PAK5: variants seen among roughly 807,000 people sequenced by gnomAD.
PAK5 encodes p21 (RAC1) activated kinase 5, also known as serine/threonine-protein kinase PAK 5.
In PAK5, 16 loss-of-function variants were observed where a neutral mutation model predicts 65.9. That is an observed-to-expected ratio of 0.24 (90% confidence interval 0.16 to 0.37). The LOEUF (loss-of-function observed/expected upper bound fraction) is 0.37, where lower values mean the gene tolerates loss of function less well. Among genes scored for constraint, PAK5 ranks in the 10% least tolerant of loss-of-function variants. The pLI is 1.00. For missense variants in PAK5, 785 were observed against 903.9 expected, an observed-to-expected ratio of 0.87 and a Z score of 1.69; for synonymous variants, 371 against 354.9, an observed-to-expected ratio of 1.05 and a Z score of -0.51.
At chr20:9,824,511 T>C (rs570812897) in intron 1 of PAK5, among the ~76,000 whole-genome samples, 1 of 152,200 alleles carries the variant, frequency 6.6e-6, no homozygotes, top group Non-Finnish European at 1.5e-5. Context: ...AAAATTCTAC[T>C]TCCAAATGAA....
At chr20:9,621,444 G>A (rs1600156464) in intron 3 of PAK5, among the ~76,000 whole-genome samples, 1 of 139,270 alleles carries the variant, frequency 7.2e-6, no homozygotes, top group African/African-American at 2.6e-5. Context: ...GGCATATCCT[G>A]AAAAATTTTT....
At chr20:9,794,747 T>G (rs2049087017) in intron 1 of PAK5, among the ~76,000 whole-genome samples, 1 of 152,100 alleles carries the variant, frequency 6.6e-6, no homozygotes, top group African/African-American at 2.4e-5. Flanking sequence ...TAAAGATATT[T>G]GCAGAAAGTC....
At chr20:9,652,658 T>G (rs2047216920) in intron 2 of PAK5, among the ~76,000 whole-genome samples, 1 of 152,194 alleles carries the variant, frequency 6.6e-6, no homozygotes, top group Admixed American at 6.5e-5. Context: ...ATTATCCAGT[T>G]GCTTTGTGAC....
chr20:9,570,999 ATCT>A (rs1431134857), intron 4 of PAK5, among the ~76,000 whole-genome samples: 2 of 152,212 alleles, frequency 1.3e-5, no homozygotes, highest in East Asian at 1.9e-4. Flanking sequence ...AAAGCTAACC[ATCT>A]TCAAAATAGG....
intron 1 of PAK5, among the ~76,000 whole-genome samples, chr20:9,752,607 A>G (rs944665300): frequency 4.6e-5 from 7 of 152,192 alleles, no homozygotes; most frequent in African/African-American, 1.7e-4. Context: ...GCATCAAAAT[A>G]TCACACATAG....
intron 1 of PAK5, among the ~76,000 whole-genome samples, chr20:9,830,940 G>A (rs1028432029): frequency 2.0e-5 from 3 of 152,130 alleles, no homozygotes; most frequent in African/African-American, 7.2e-5. Flanking sequence ...TTTTGGTTTG[G>A]TTTGGTTTGG....
intron 1 of PAK5, among the ~76,000 whole-genome samples, chr20:9,757,065 T>C (rs921724989): frequency 6.6e-6 from 1 of 152,094 alleles, no homozygotes; most frequent in African/African-American, 2.4e-5. Flanking sequence ...TTGTCCATAA[T>C]GGCAACTCAT....
chr20:9,833,245 C>T (rs574368874), intron 1 of PAK5, among the ~76,000 whole-genome samples: 22 of 152,298 alleles, frequency 1.4e-4, no homozygotes, highest in South Asian at 1.0e-3. Flanking sequence ...ATGCCTTCTT[C>T]GTCATATTTC....
At chr20:9,594,553 G>T (rs951292053) in intron 3 of PAK5, among the ~76,000 whole-genome samples, 1 of 152,196 alleles carries the variant, frequency 6.6e-6, no homozygotes, top group Non-Finnish European at 1.5e-5. Flanking sequence ...ATCTGAATCA[G>T]GAAATTTCAC....
intron 7 of PAK5, among the ~76,000 whole-genome samples, chr20:9,557,206 C>T (rs1218637886): frequency 1.3e-5 from 2 of 152,208 alleles, no homozygotes; most frequent in African/African-American, 4.8e-5. Flanking sequence ...TCAAATTACC[C>T]AAGTGGAGTT....
At chr20:9,804,481 A>G (rs2049207858) in intron 1 of PAK5, among the ~76,000 whole-genome samples, 1 of 152,228 alleles carries the variant, frequency 6.6e-6, no homozygotes. Context: ...CATATTTTCA[A>G]CAAATGGTGC....
At chr20:9,837,136 C>T (rs576028223) in intron 1 of PAK5, among the ~76,000 whole-genome samples, 1 of 152,330 alleles carries the variant, frequency 6.6e-6, no homozygotes, top group South Asian at 2.1e-4. Context: ...TACCCACTCA[C>T]AGAAGAACAC....
chr20:9,754,860 T>C (rs2048615904), intron 1 of PAK5, among the ~76,000 whole-genome samples: 1 of 152,188 alleles, frequency 6.6e-6, no homozygotes, highest in Admixed American at 6.5e-5. Flanking sequence ...CTCCCTGTTA[T>C]AATTTTTGCA....
intron 3 of PAK5, among the ~76,000 whole-genome samples, chr20:9,589,509 T>C (rs191187502): frequency 5.1e-4 from 78 of 152,332 alleles, no homozygotes; most frequent in Non-Finnish European, 9.8e-4. Flanking sequence ...TGGGGCTAAT[T>C]GGGTGAACAT....
Position 9,562,793 on chromosome 20 carries a change from A to G in PAK5, c.1616+98T>C, listed in dbSNP as rs2045611131. ...AGGGTAGTCATATTCCCTGACTCCA[A>G]AGTGCCTGCAATTTATGAAGAGTTC... On this transcript the variant is annotated intron_variant, in intron 6 of 9. Transcript: ENST00000353224. The G allele has an allele frequency of 4.5e-6, 5 of 1,100,546 alleles. No individual in the cohort carries two copies. The Admixed American group carries it at 1.1e-4, about 24-fold the overall frequency. The allele number at this position is 1,100,546 out of a possible 1,614,324, so 68.2% of individuals were successfully genotyped here.
intron 1 of PAK5, among the ~76,000 whole-genome samples, chr20:9,722,837 A>G (rs2048233782): frequency 6.6e-6 from 1 of 150,916 alleles, no homozygotes; most frequent in Non-Finnish European, 1.5e-5. Context: ...CCCAGGCCCA[A>G]CTGATTCTCT....
In PAK5 at chr20:9,580,861, T is replaced by C. The variant is rs761695534; in HGVS notation, c.274A>G (p.Ile92Val). Residue 92 changes from isoleucine (I) to valine (V), a missense_variant, in exon 4 of 10, where the codon ATC becomes GTC. Physicochemically the swap from Ile to Val is conservative, Grantham distance 29 (BLOSUM62 3). Transcript: ENST00000353224. Reference sequence around the variant, plus strand: ...AGGGAGTTGGAGCGAGTCACCGAGATGTTGTCAAAATCCTCTAGCAGGCCG... The same window carrying C: ...AGGGAGTTGGAGCGAGTCACCGAGACGTTGTCAAAATCCTCTAGCAGGCCG... ...INGLLEDFDN[I>V]SVTRSNSLRK... 1.2e-6 allele frequency: 2 copies of C among 1,613,132 alleles called. No homozygotes were observed. Among genetic ancestry groups the C allele is most frequent in the African/African-American group, 2.7e-5 (2 of 74,764 alleles).
intron 1 of PAK5, among the ~76,000 whole-genome samples, chr20:9,722,979 C>T (rs551746797): frequency 1.3e-5 from 2 of 152,188 alleles, no homozygotes; most frequent in South Asian, 2.1e-4. Context: ...GATCCTCCCC[C>T]CCTCATTCTC....
At chr20:9,616,157 G>A (rs77808429) in intron 3 of PAK5, among the ~76,000 whole-genome samples, 5 of 152,148 alleles carry the variant, frequency 3.3e-5, no homozygotes, top group African/African-American at 1.2e-4. Context: ...ACACTCCATT[G>A]TACTTCTACC....
Sources: allele counts gnomAD v4.1 joint callset (sites outside exome capture counted in the v4.1 genomes callset), GRCh38; gene constraint gnomAD v4.1.1; transcripts MANE v1.5; gene names NCBI Gene and HGNC (gene_info 2026-07-23, HGNC 2026-07-21).